Variants in SVIL observed in about 807,000 individuals in gnomAD.
The protein encoded by SVIL is supervillin.
Under a neutral mutation model 240.4 loss-of-function variants are expected in SVIL, and 101 were observed. The ratio of observed to expected loss-of-function variants is 0.42; its 90% CI spans 0.36 to 0.50. The LOEUF (loss-of-function observed/expected upper bound fraction) is 0.50, where lower values mean the gene tolerates loss of function less well. SVIL is among the 20% of genes least tolerant of loss of function. SVIL has a pLI of 0.01. For missense variants in SVIL, 2,512 were observed against 2,818.7 expected, an observed-to-expected ratio of 0.89 and a Z score of 2.46; for synonymous variants, 999 against 1,100.0, an observed-to-expected ratio of 0.91 and a Z score of 1.82.
chr10:29,725,794 G>A (rs1539536), intron 1 of SVIL, among the ~76,000 whole-genome samples: 121,567 of 152,154 alleles, frequency 0.8, 48,991 homozygotes, highest in East Asian at 0.95. Context: ...CATTGAATAT[G>A]AAGAATACTC....
At chr10:29,650,712 G>A (rs1258960586) in intron 3 of SVIL, among the ~76,000 whole-genome samples, 2 of 152,156 alleles carry the variant, frequency 1.3e-5, no homozygotes, top group Non-Finnish European at 1.5e-5. Flanking sequence ...CACATTGGGA[G>A]GCCCAAGCTG....
At position 29,532,641 on chromosome 10, in the gene SVIL, A is replaced by T. The variant is rs776402253; in HGVS notation, c.1726T>A (p.Ser576Thr). Residue 576 changes from serine to threonine, a missense_variant, in exon 8 of 38, where the codon TCC becomes ACC. Ser to Thr is a moderately conservative substitution (Grantham distance 58, BLOSUM62 1). Coordinates refer to ENST00000355867, the MANE Select transcript of SVIL (RefSeq NM_021738.3). ...ASRRELELPS[S>T]KTEGPYGEIS... ...TCCCCATAAGGCCCTTCGGTCTTGG[A>T]GCTGGGCAGCTCCAGCTCTCTCCTG... 6 of 1,614,028 alleles carry T rather than the reference A, an allele frequency of 3.7e-6. No individual in the cohort carries two copies. The highest frequency in any genetic ancestry group is 5.1e-6 in the Non-Finnish European group (6 of 1,180,044).
chr10:29,551,804 C>G (rs1295046812), intron 5 of SVIL, among the ~76,000 whole-genome samples: 1 of 152,018 alleles, frequency 6.6e-6, no homozygotes, highest in Non-Finnish European at 1.5e-5. Flanking sequence ...AACACACATG[C>G]CTGGTGTAGG....
intron 31 of SVIL, 110 bp downstream of exon 31, chr10:29,471,028 G>A: frequency 9.8e-7 from 1 of 1,015,816 alleles, no homozygotes. Context: ...GCTTTCAGAG[G>A]TCGAGCCACA....
intron 13 of SVIL, among the ~76,000 whole-genome samples, chr10:29,526,595 G>A (rs534123959): frequency 2.6e-5 from 4 of 152,062 alleles, no homozygotes; most frequent in African/African-American, 4.8e-5. Context: ...GAGCCACCGC[G>A]CCTGGCCAAT....
At chr10:29,588,986 A>T (rs1484215520) in intron 1 of SVIL, among the ~76,000 whole-genome samples, 1 of 151,968 alleles carries the variant, frequency 6.6e-6, no homozygotes, top group Non-Finnish European at 1.5e-5. Flanking sequence ...AAAGCACAGG[A>T]CATTCATCCC....
chr10:29,724,181 C>CTTTTTTT (rs386371080), intron 1 of SVIL, among the ~76,000 whole-genome samples: 1 of 144,520 alleles, frequency 6.9e-6, no homozygotes, highest in African/African-American at 2.6e-5. Context: ...TGTTTTCTCT[C>CTTTTTTT]TTTTTTTTTT....
intron 1 of SVIL, among the ~76,000 whole-genome samples, chr10:29,717,246 A>ATC (rs1589569912): frequency 6.8e-6 from 1 of 146,800 alleles, no homozygotes; most frequent in South Asian, 2.2e-4. Context: ...AAAAAAAAAA[A>ATC]AAAAAAAAAA....
In SVIL at chr10:29,550,774, G is replaced by C. The variant is rs776539008; in HGVS notation, c.650C>G (p.Ala217Gly). The C allele has an allele frequency of 3.2e-5, 51 of 1,614,162 alleles. No individual in the cohort carries two copies. In the Middle Eastern group the frequency reaches 4.9e-4, roughly 16 times the overall value. The change falls in exon 6 of 38, where the codon GCC (alanine) becomes GGC (glycine). Residue 217 changes from alanine to glycine, a missense_variant. Coordinates refer to ENST00000355867, the MANE Select transcript of SVIL (RefSeq NM_021738.3). ...RGQELSATRQ[A>G]HDLSPAAESS... ...CTCGGCTGCTGGGGACAGGTCATGG[G>C]CCTGCCGGGTGGCACTCAGCTCTTG...
chr10:29,640,880 GGCCCCACCCTGCCTGCTC>G (rs1336320176), intron 3 of SVIL, among the ~76,000 whole-genome samples: 1 of 151,966 alleles, frequency 6.6e-6, no homozygotes, highest in Non-Finnish European at 1.5e-5. Context: ...GCCTTTAAAC[GGCCCCACCCTGCCTGCTC>G]ACTCCCAATA....
intron 27 of SVIL, among the ~76,000 whole-genome samples, chr10:29,482,035 T>TTTTTTTTTTTTG: frequency 6.7e-6 from 1 of 148,334 alleles, no homozygotes; most frequent in Non-Finnish European, 1.5e-5. Flanking sequence ...TTTTTTTTTT[T>TTTTTTTTTTTTG]TTTTTTTTTT....
intron 30 of SVIL, 194 bp downstream of exon 30, chr10:29,473,644 C>A (rs958109082): frequency 1.5e-6 from 1 of 656,568 alleles, no homozygotes; most frequent in Non-Finnish European, 2.5e-6. Context: ...GATCATCTTA[C>A]AAAAAGTGGG....
chr10:29,484,097 T>A lies in SVIL; in HGVS notation c.4955+559A>T, dbSNP rs11007613. ...ATTCTATTGAATTGCCAAAATGACT[T>A]TAAAGAGTCTAGTACATGCAGGGAA... On this transcript the variant is annotated intron_variant, in intron 27 of 37. Coordinates refer to ENST00000355867, the MANE Select transcript of SVIL (RefSeq NM_021738.3). The surrounding 1 kb of genome is among the most constrained non-coding windows in gnomAD (Gnocchi z 4.7). Among the ~76,000 whole-genome samples the A allele has an allele frequency of 0.14, 21,579 of 152,118 alleles. 1,666 individuals are homozygous for A. The highest frequency in any genetic ancestry group is 0.3 in the East Asian group (1,524 of 5,148).
chr10:29,614,718 A>C (rs1357441316), intron 1 of SVIL, among the ~76,000 whole-genome samples: 4 of 152,208 alleles, frequency 2.6e-5, no homozygotes, highest in African/African-American at 9.6e-5. Flanking sequence ...GTAAATGATG[A>C]GTTAATGGGT....
chr10:29,521,978 A>C (rs1377978007), intron 16 of SVIL, among the ~76,000 whole-genome samples: 1 of 151,844 alleles, frequency 6.6e-6, no homozygotes, highest in Non-Finnish European at 1.5e-5. Context: ...ATTTATCTTC[A>C]CTCCCTCTAC....
intron 6 of SVIL, among the ~76,000 whole-genome samples, chr10:29,544,694 G>A (rs970427731): frequency 1.3e-5 from 2 of 149,148 alleles, no homozygotes; most frequent in Non-Finnish European, 3.0e-5. Flanking sequence ...GGAAGTCAAG[G>A]CTGCAGTGAG....
chr10:29,704,909 T>G (rs762504116), intron 1 of SVIL, among the ~76,000 whole-genome samples: 1 of 152,164 alleles, frequency 6.6e-6, no homozygotes, highest in Non-Finnish European at 1.5e-5. Flanking sequence ...TAACTCCTAC[T>G]ACATTTAAAG....
chr10:29,476,684 T>C (rs868825681), intron 29 of SVIL, among the ~76,000 whole-genome samples: 1 of 152,202 alleles, frequency 6.6e-6, no homozygotes, highest in African/African-American at 2.4e-5. Context: ...GGGTTACAAG[T>C]GTGAGTCTAG....
chr10:29,512,887 A>G, intron 16 of SVIL, 26 bp from the exon 17 acceptor site: 3 of 1,606,686 alleles, frequency 1.9e-6, no homozygotes, highest in Non-Finnish European at 2.5e-6. Flanking sequence ...GCCCGCCACA[A>G]AGAGTTCAGC....
Sources: gnomAD v4.1 joint callset for allele counts (sites outside exome capture counted in the v4.1 genomes callset) on GRCh38, gnomAD v4.1.1 for gene constraint, Gnocchi (gnomAD v3.1) non-coding constraint, MANE v1.5 for transcripts, NCBI Gene and HGNC (gene_info 2026-07-23, HGNC 2026-07-21) for gene names.